KCNQ1OT1: variants seen among roughly 807,000 people sequenced by gnomAD.
The protein encoded by KCNQ1OT1 is KCNQ1 opposite strand/antisense transcript 1.
chr11:2,687,760 G>A lies in KCNQ1OT1; in HGVS notation n.12235C>T. ...AATCATGGGGAGACTGAGAAGAGGA[G>A]CCCCTTAGCAGGCCTAACCACACCC... On this transcript the variant is annotated non_coding_transcript_exon_variant, in exon 1 of 1. Coordinates refer to ENST00000597346, the Ensembl canonical transcript of KCNQ1OT1. This position sits in a 1 kb window ranked among gnomAD's most constrained non-coding sequence, Gnocchi z 5.0. The A allele has an allele frequency of 2.5e-6, 1 of 398,712 alleles. No individual in the cohort carries two copies. Among genetic ancestry groups the A allele is most frequent in the East Asian group, 3.6e-5 (1 of 28,066 alleles). The allele number at this position is 398,712 out of a possible 1,614,324, so 24.7% of individuals were successfully genotyped here. A position where few individuals can be genotyped will look rare whatever the true frequency, so the allele number is the denominator to read the frequency against.
In KCNQ1OT1 at chr11:2,669,511, G is replaced by GT. The variant is rs1850143847; in HGVS notation, n.30483dup. On this transcript the variant is annotated non_coding_transcript_exon_variant, in exon 1 of 1. Coordinates refer to ENST00000597346, the Ensembl canonical transcript of KCNQ1OT1. The surrounding 1 kb of genome is among the most constrained non-coding windows in gnomAD (Gnocchi z 5.6). ...CAGATTCATTCCTTGTCAGCTAATG[G>GT]TTTGATGTATGTTCGCTGAATCCAG... 4 of 398,622 alleles carry GT rather than the reference G, an allele frequency of 1.0e-5. No individual in the cohort carries two copies. The East Asian group carries it at 1.4e-4, about 14-fold the overall frequency. 24.7% of individuals were successfully genotyped at this position (398,622 alleles called of 1,614,324 possible).
exon 1 of KCNQ1OT1, chr11:2,667,388 A>T (rs1268117409): frequency 2.5e-6 from 1 of 398,516 alleles, no homozygotes; most frequent in Non-Finnish European, 4.4e-6. Flanking sequence ...GCCCCAGTGC[A>T]CTCTGGCCAG....
chr11:2,630,079 T>C, exon 1 of KCNQ1OT1: 1 of 398,424 alleles, frequency 2.5e-6, no homozygotes, highest in Non-Finnish European at 4.4e-6. Flanking sequence ...TTTATTGTGT[T>C]GCAGTACATT....
In KCNQ1OT1 at chr11:2,690,638, C is replaced by A. The variant is rs1047380308; in HGVS notation, n.9357G>T. ...GCATGTTCATATATGTGTCAGAATG[C>A]GTATTTGTCAGTGTATGTGTGTCAG... On this transcript the variant is annotated non_coding_transcript_exon_variant, in exon 1 of 1. Coordinates refer to ENST00000597346, the Ensembl canonical transcript of KCNQ1OT1. The surrounding 1 kb of genome is among the most constrained non-coding windows in gnomAD (Gnocchi z 5.1). 4 of 398,506 alleles carry A rather than the reference C, an allele frequency of 1.0e-5. No homozygotes were observed. Among genetic ancestry groups the A allele is most frequent in the Admixed American group, 4.4e-5 (1 of 22,714 alleles). The allele number at this position is 398,506 out of a possible 1,614,324, so 24.7% of individuals were successfully genotyped here.
At chr11:2,634,373 C>T (rs1849420005) in exon 1 of KCNQ1OT1, 1 of 255,044 alleles carries the variant, frequency 3.9e-6, no homozygotes, top group Admixed American at 5.5e-5. Flanking sequence ...GTTCCCCTTC[C>T]TACGTCCAAG....
exon 1 of KCNQ1OT1, chr11:2,630,997 G>T (rs184062692): frequency 2.5e-6 from 1 of 398,306 alleles, no homozygotes; most frequent in African/African-American, 2.1e-5. Flanking sequence ...TTATCTTGCC[G>T]CTTTCAAAAT....
At position 2,645,562 on chromosome 11, in the gene KCNQ1OT1, G is replaced by A; in HGVS notation, n.54433C>T. 1 of 398,720 alleles carries A rather than the reference G, an allele frequency of 2.5e-6. No homozygotes were observed. The highest frequency in any genetic ancestry group is 4.4e-6 in the Non-Finnish European group (1 of 226,142). 24.7% of individuals were successfully genotyped at this position (398,720 alleles called of 1,614,324 possible). A position where few individuals can be genotyped will look rare whatever the true frequency, so the allele number is the denominator to read the frequency against. On this transcript the variant is annotated non_coding_transcript_exon_variant, in exon 1 of 1. Transcript: ENST00000597346. This position sits in a 1 kb window ranked among gnomAD's most constrained non-coding sequence, Gnocchi z 5.8. ...AGTGGGATTGCTTTCAGTGGCAGCA[G>A]CTATAAACAGGCAGTTGGGCAATGC...
rs1311607951 is a variant in KCNQ1OT1 at position 2,669,482 on chromosome 11, TTG to T, written n.30511_30512del. The T allele has an allele frequency of 5.0e-6, 2 of 398,536 alleles. No homozygotes were observed. The highest frequency in any genetic ancestry group is 4.1e-5 in the African/African-American group (2 of 48,638). 24.7% of individuals were successfully genotyped at this position (398,536 alleles called of 1,614,324 possible). A position where few individuals can be genotyped will look rare whatever the true frequency, so the allele number is the denominator to read the frequency against. ...TTTCAGTGTGGTGGTCATGAACAGC[TTG>T]TCAGATTCATTCCTTGTCAGCTAAT... On this transcript the variant is annotated non_coding_transcript_exon_variant, in exon 1 of 1. Transcript: ENST00000597346. This position sits in a 1 kb window ranked among gnomAD's most constrained non-coding sequence, Gnocchi z 5.6.
rs2133810322 is a variant in KCNQ1OT1 at position 2,626,279 on chromosome 11, G to C, written n.73716C>G. On this transcript the variant is annotated non_coding_transcript_exon_variant, in exon 1 of 1. Coordinates refer to ENST00000597346, the Ensembl canonical transcript of KCNQ1OT1. The surrounding 1 kb of genome is among the most constrained non-coding windows in gnomAD (Gnocchi z 4.0). The stretch of plus-strand genomic sequence containing the variant: ...TTCTCTTTTATACATGGTTAGGTAA[G>C]GATCTCAACTTCATTCTCTTGAGTT... 2.5e-6 allele frequency: 1 copy of C among 398,410 alleles called. No individual in the cohort carries two copies. The highest frequency in any genetic ancestry group is 6.3e-4 in the Middle Eastern group (1 of 1,584). 24.7% of individuals were successfully genotyped at this position (398,410 alleles called of 1,614,324 possible).
exon 1 of KCNQ1OT1, chr11:2,629,703 T>A (rs1436010851): frequency 2.5e-6 from 1 of 398,394 alleles, no homozygotes; most frequent in Non-Finnish European, 4.4e-6. Context: ...TGAAATTGTT[T>A]TCTTAATTTG....
chr11:2,632,292 T>C (rs1849371886), exon 1 of KCNQ1OT1: 2 of 398,436 alleles, frequency 5.0e-6, no homozygotes, highest in South Asian at 1.3e-4. Context: ...TTTTCAGGGA[T>C]TTCTACAAAT....
Position 2,657,813 on chromosome 11 carries a change from A to C in KCNQ1OT1, n.42182T>G, listed in dbSNP as rs1052632732. The C allele has an allele frequency of 5.0e-6, 2 of 398,388 alleles. No individual in the cohort carries two copies. The highest frequency in any genetic ancestry group is 8.8e-6 in the Non-Finnish European group (2 of 226,056). 24.7% of individuals were successfully genotyped at this position (398,388 alleles called of 1,614,324 possible). Reference sequence around the variant, plus strand: ...TACCAGTCAGGTGTCATTGTCCCTCAGTTTGGATTTGTCTGGTGTTTTCTC... The same window carrying C: ...TACCAGTCAGGTGTCATTGTCCCTCCGTTTGGATTTGTCTGGTGTTTTCTC... On this transcript the variant is annotated non_coding_transcript_exon_variant, in exon 1 of 1. Coordinates refer to ENST00000597346, the Ensembl canonical transcript of KCNQ1OT1. This position sits in a 1 kb window ranked among gnomAD's most constrained non-coding sequence, Gnocchi z 4.8.
In KCNQ1OT1 at chr11:2,684,690, G is replaced by A. The variant is rs75635607; in HGVS notation, n.15305C>T. On this transcript the variant is annotated non_coding_transcript_exon_variant, in exon 1 of 1. Transcript: ENST00000597346. ...ATGTGCAGGGAGCTAGTGGCCAACTGAGCACTTGCTCAGGCGGAGGGGCCT... is the reference window on the plus strand; with the variant it reads ...ATGTGCAGGGAGCTAGTGGCCAACTAAGCACTTGCTCAGGCGGAGGGGCCT... The A allele has an allele frequency of 4.9e-4, 196 of 398,618 alleles. 1 individual carries two copies. Among genetic ancestry groups the A allele is most frequent in the African/African-American group, 3.8e-3 (186 of 48,746 alleles). 24.7% of individuals were successfully genotyped at this position (398,618 alleles called of 1,614,324 possible).
At position 2,623,555 on chromosome 11, in the gene KCNQ1OT1, G is replaced by C; in HGVS notation, n.76440C>G. On this transcript the variant is annotated non_coding_transcript_exon_variant, in exon 1 of 1. Transcript: ENST00000597346. The surrounding 1 kb of genome is among the most constrained non-coding windows in gnomAD (Gnocchi z 5.2). Reference sequence around the variant, plus strand: ...TCTTCAGATTGCCTTATTTCACATAGTAATATGTTTTTTAATTACCTCCAT... The same window carrying C: ...TCTTCAGATTGCCTTATTTCACATACTAATATGTTTTTTAATTACCTCCAT... 2 of 398,516 alleles carry C rather than the reference G, an allele frequency of 5.0e-6. No homozygotes were observed. Among genetic ancestry groups the C allele is most frequent in the Non-Finnish European group, 8.8e-6 (2 of 226,042 alleles). 24.7% of individuals were successfully genotyped at this position (398,516 alleles called of 1,614,324 possible).
At chr11:2,637,819 G>C (rs1424545844) in exon 1 of KCNQ1OT1, 1 of 151,920 alleles carries the variant, frequency 6.6e-6, no homozygotes, top group African/African-American at 2.4e-5. Context: ...GTGGGAGTCT[G>C]TCTCTTTGTA....
exon 1 of KCNQ1OT1, chr11:2,650,526 A>G: frequency 2.5e-6 from 1 of 398,660 alleles, no homozygotes; most frequent in Non-Finnish European, 4.4e-6. Context: ...AATCCACATC[A>G]GTGGTATCTG....
rs1686088329 is a variant in KCNQ1OT1, at chr11:2,612,319, A to C, written n.87676T>G. The C allele has an allele frequency of 7.5e-6, 3 of 398,550 alleles. No individual in the cohort carries two copies. In the Admixed American group the frequency reaches 1.3e-4, roughly 18 times the overall value. 24.7% of individuals were successfully genotyped at this position (398,550 alleles called of 1,614,324 possible). ...GCACTCCGTATGAGAATCTAACTAAAGCCTCCCCCAACTGGCTGTGGAAAA... is the reference window on the plus strand; with the variant it reads ...GCACTCCGTATGAGAATCTAACTAACGCCTCCCCCAACTGGCTGTGGAAAA... On this transcript the variant is annotated non_coding_transcript_exon_variant, in exon 1 of 1. Coordinates refer to ENST00000597346, the Ensembl canonical transcript of KCNQ1OT1. This position sits in a 1 kb window ranked among gnomAD's most constrained non-coding sequence, Gnocchi z 5.5.
At position 2,639,708 on chromosome 11, in the gene KCNQ1OT1, G is replaced by A. The variant is rs138677767; in HGVS notation, n.60287C>T. ...TATCCATTCTTAGATCTCAAACTCCGTGCTGGGAGAACCACTACTCTTTTC... is the reference window on the plus strand; with the variant it reads ...TATCCATTCTTAGATCTCAAACTCCATGCTGGGAGAACCACTACTCTTTTC... On this transcript the variant is annotated non_coding_transcript_exon_variant, in exon 1 of 1. Transcript: ENST00000597346. 7.4e-3 allele frequency: 1,123 copies of A among 152,474 alleles called. 9 individuals are homozygous for A. The highest frequency in any genetic ancestry group is 0.02 in the Middle Eastern group (6 of 300). The allele number at this position is 152,474 out of a possible 1,614,324, so 9.4% of individuals were successfully genotyped here.
exon 1 of KCNQ1OT1, chr11:2,680,206 T>TA (rs139249507): frequency 0.055 from 19,644 of 357,180 alleles, 429 homozygotes; most frequent in African/African-American, 0.11. Flanking sequence ...CTTGCCTAAT[T>TA]AAAAAAAAAA....
Sources: gnomAD v4.1 joint callset for allele counts on GRCh38, gnomAD v4.1.1 for gene constraint, Gnocchi (gnomAD v3.1) non-coding constraint, MANE v1.5 for transcripts, NCBI Gene and HGNC (gene_info 2026-07-23, HGNC 2026-07-21) for gene names.